The following ACOXL variants were observed in gnomAD, a reference collection of about 807,000 sequenced individuals.
ACOXL encodes acyl-coenzyme A oxidase-like protein.
ACOXL carries 70 observed loss-of-function variants against 71.9 expected under a neutral mutation model. The ratio of observed to expected loss-of-function variants is 0.97; its 90% confidence interval spans 0.80 to 1.19. The LOEUF (loss-of-function observed/expected upper bound fraction) is 1.19. Ranked by LOEUF, ACOXL falls within the 50% of genes most tolerant of loss-of-function variation. ACOXL has a pLI of 0.00. For missense variants in ACOXL, 703 were observed against 736.3 expected, an observed-to-expected ratio of 0.95 and a Z score of 0.52; for synonymous variants, 253 against 281.6, an observed-to-expected ratio of 0.90 and a Z score of 1.02.
Position 110,996,002 on chromosome 2 carries a change from A to C in ACOXL, c.1279A>C (p.Lys427Gln). 1 of 1,587,800 alleles carries C rather than the reference A, an allele frequency of 6.3e-7. No homozygotes were observed. The highest frequency in any genetic ancestry group is 8.5e-7 in the Non-Finnish European group (1 of 1,176,204). The change falls in exon 14 of 18, where the codon AAG becomes CAG. Residue 427 changes from lysine (K) to glutamine (Q), a missense_variant and splice_region_variant. By Grantham distance (53) the Lys-to-Gln change is moderately conservative. Transcript: ENST00000439055. ...GGGTTTGGTGGCCAGAATTTATTAT[A>C]AGGTAAAGATACACTGTGTTATATT... ...QRGLVARIYY[K>Q]VKTKKEDFFH...
chr2:110,958,299 C>A (rs189884005), intron 12 of ACOXL, among the ~76,000 whole-genome samples: 1 of 152,148 alleles, frequency 6.6e-6, no homozygotes, highest in Admixed American at 6.5e-5. Flanking sequence ...GAGAGCCCCA[C>A]GCACCTTCAG....
chr2:110,879,716 T>G (rs1328611340), intron 10 of ACOXL, among the ~76,000 whole-genome samples: 1 of 152,036 alleles, frequency 6.6e-6, no homozygotes, highest in African/African-American at 2.4e-5. Context: ...ACTTAGGGCG[T>G]TTTTTTGCTC....
intron 15 of ACOXL, among the ~76,000 whole-genome samples, chr2:111,037,620 C>T (rs1039697079): frequency 2.0e-5 from 3 of 152,210 alleles, no homozygotes; most frequent in African/African-American, 4.8e-5. Context: ...GCCAAAGACT[C>T]GCTAAATGCT....
chr2:110,789,249 C>T (rs1267234110), intron 3 of ACOXL, among the ~76,000 whole-genome samples: 1 of 152,274 alleles, frequency 6.6e-6, no homozygotes, highest in East Asian at 1.9e-4. Flanking sequence ...TGTGAGCCAG[C>T]CCAAGTTTCC....
chr2:110,842,341 T>A (rs923737481), intron 10 of ACOXL, among the ~76,000 whole-genome samples: 4 of 152,116 alleles, frequency 2.6e-5, no homozygotes, highest in African/African-American at 9.7e-5. Flanking sequence ...TGGAGACCTA[T>A]GAAAGAAACT....
chr2:110,777,252 A>G (rs1682769938), intron 2 of ACOXL, among the ~76,000 whole-genome samples: 1 of 152,160 alleles, frequency 6.6e-6, no homozygotes. Context: ...GTGTTGACAG[A>G]GAAGGGGAGG....
intron 10 of ACOXL, 50 bp from the exon 11 acceptor site, chr2:110,908,739 C>A: frequency 7.0e-7 from 1 of 1,437,564 alleles, no homozygotes; most frequent in Non-Finnish European, 9.8e-7. Context: ...AATGAAGTTA[C>A]CTCCCGCTCC....
chr2:110,964,034 C>T (rs1329271011), intron 12 of ACOXL, among the ~76,000 whole-genome samples: 5 of 152,276 alleles, frequency 3.3e-5, no homozygotes, highest in African/African-American at 1.2e-4. Context: ...TACAAAAGAA[C>T]GGCAATGGAT....
intron 9 of ACOXL, among the ~76,000 whole-genome samples, chr2:110,828,280 T>C (rs1288292583): frequency 6.6e-6 from 1 of 152,238 alleles, no homozygotes; most frequent in Non-Finnish European, 1.5e-5. Flanking sequence ...CCTATTTTCC[T>C]ATTGTTAGTA....
intron 14 of ACOXL, among the ~76,000 whole-genome samples, chr2:111,021,540 C>G (rs1440599475): frequency 6.6e-6 from 1 of 152,122 alleles, no homozygotes; most frequent in Non-Finnish European, 1.5e-5. Context: ...GGGCCCAGCC[C>G]CCTTATTCTC....
intron 9 of ACOXL, among the ~76,000 whole-genome samples, chr2:110,815,510 A>G (rs1454815224): frequency 6.6e-6 from 1 of 152,234 alleles, no homozygotes; most frequent in African/African-American, 2.4e-5. Flanking sequence ...GAAAACTTCA[A>G]TACAGGGACC....
chr2:110,932,524 A>G (rs997045999), intron 11 of ACOXL, among the ~76,000 whole-genome samples: 1 of 152,210 alleles, frequency 6.6e-6, no homozygotes, highest in Non-Finnish European at 1.5e-5. Flanking sequence ...ATATCTTTAT[A>G]TATAAAATCT....
At chr2:111,103,824 T>C (rs1035183978) in intron 17 of ACOXL, among the ~76,000 whole-genome samples, 2 of 152,164 alleles carry the variant, frequency 1.3e-5, no homozygotes, top group African/African-American at 4.8e-5. Flanking sequence ...ATGCAGAGAT[T>C]TCATGTCCCT....
chr2:110,885,971 T>C (rs1697233127), intron 10 of ACOXL, among the ~76,000 whole-genome samples: 1 of 152,200 alleles, frequency 6.6e-6, no homozygotes, highest in African/African-American at 2.4e-5. Flanking sequence ...GTCATGTTTT[T>C]ATATGTTTCT....
intron 16 of ACOXL, among the ~76,000 whole-genome samples, chr2:111,068,726 C>T (rs909963479): frequency 6.6e-6 from 1 of 152,188 alleles, no homozygotes; most frequent in Non-Finnish European, 1.5e-5. Context: ...TTTCTTTCAC[C>T]TATAAATCCT....
intron 10 of ACOXL, among the ~76,000 whole-genome samples, chr2:110,905,795 A>C (rs2059419439): frequency 6.6e-6 from 1 of 152,158 alleles, no homozygotes; most frequent in African/African-American, 2.4e-5. Flanking sequence ...ATTTTTAAAG[A>C]AAGTCTGGAC....
At chr2:110,945,953 A>AAAT (rs2061090598) in intron 12 of ACOXL, among the ~76,000 whole-genome samples, 1 of 152,172 alleles carries the variant, frequency 6.6e-6, no homozygotes, top group Admixed American at 6.5e-5. Flanking sequence ...GGCCATTTTA[A>AAAT]CACTATCAAT....
At chr2:110,921,907 A>G (rs1193618190) in intron 11 of ACOXL, among the ~76,000 whole-genome samples, 6 of 152,312 alleles carry the variant, frequency 3.9e-5, no homozygotes, top group Admixed American at 6.5e-5. Context: ...AACTGCTGTC[A>G]TGGTCCAATA....
chr2:110,779,931 A>C (rs1376843448), intron 2 of ACOXL, among the ~76,000 whole-genome samples: 1 of 152,244 alleles, frequency 6.6e-6, no homozygotes, highest in East Asian at 1.9e-4. Flanking sequence ...ACTTGAACAT[A>C]TAAACGAAAA....
Sources: gnomAD v4.1 joint callset for allele counts (sites outside exome capture counted in the v4.1 genomes callset) on GRCh38, gnomAD v4.1.1 for gene constraint, MANE v1.5 for transcripts, NCBI Gene and HGNC (gene_info 2026-07-23, HGNC 2026-07-21) for gene names.